The following CLCN1 variants were observed in gnomAD, a reference collection of about 807,000 sequenced individuals.
The protein encoded by CLCN1 is chloride channel protein 1.
CLCN1 carries 100 observed loss-of-function variants against 114.5 expected under a neutral mutation model. The ratio of observed to expected loss-of-function variants is 0.87; its 90% CI spans 0.74 to 1.03. CLCN1 has a LOEUF of 1.03. Ranked by LOEUF, CLCN1 falls within the 50% of genes least tolerant of loss-of-function variation. The pLI is 0.00. For missense variants in CLCN1, 1,188 were observed against 1,250.0 expected (o/e 0.95, Z 0.75); for synonymous variants, 485 against 487.1 (o/e 1.00, Z 0.06).
intron 12 of CLCN1, among the ~76,000 whole-genome samples, chr7:143,338,810 A>AAG (rs1158419059): frequency 8.9e-5 from 11 of 123,634 alleles, no homozygotes; most frequent in Admixed American, 7.4e-5. Context: ...AAAAAAAAAG[A>AAG]AAAAAAAAAA....
intron 17 of CLCN1, 25 bp from the exon 18 acceptor site, chr7:143,346,115 T>G: frequency 1.5e-5 from 22 of 1,443,586 alleles, no homozygotes; most frequent in Non-Finnish European, 2.0e-5. Flanking sequence ...GCTCCCAGGC[T>G]GAGACTTCTT....
intron 19 of CLCN1, 76 bp downstream of exon 19, chr7:143,346,734 A>C: frequency 7.4e-7 from 1 of 1,354,976 alleles, no homozygotes; most frequent in Non-Finnish European, 1.1e-6. Flanking sequence ...CGGTTCTTAA[A>C]TCAGGAAGGC....
Position 143,350,818 on chromosome 7 carries a change from C to T in CLCN1, c.2595+164C>T, listed in dbSNP as rs1803377013. On this transcript the variant is annotated intron_variant, in intron 22 of 22. Transcript: ENST00000343257. This position sits in a 1 kb window ranked among gnomAD's most constrained non-coding sequence, Gnocchi z 5.1. ...TTGAGACAGAGTTTCACTCTTGTCG[C>T]CCAGGCTGGAGTGCAGTGGCGTGAT... Among the ~76,000 whole-genome samples the T allele has an allele frequency of 6.6e-6, 1 of 151,516 alleles. No homozygotes were observed. Among genetic ancestry groups the T allele is most frequent in the African/African-American group, 2.4e-5 (1 of 41,182 alleles).
Position 143,342,050 on chromosome 7 carries a change from G to A in CLCN1, c.1704G>A (p.Met568Ile), listed in dbSNP as rs753006971. 6.2e-7 allele frequency: 1 copy of A among 1,614,136 alleles called. No homozygotes were observed. Among genetic ancestry groups the A allele is most frequent in the Admixed American group, 1.7e-5 (1 of 60,020 alleles). ...PMMVAVILAN[M>I]VAQSLQPSLY... ...TGGTGGCTGTTATCTTGGCCAACAT[G>A]GTGGCCCAGAGCCTGCAGCCCTCTC... The change falls in exon 15 of 23, where the codon ATG becomes ATA. Residue 568 changes from methionine to isoleucine, a missense_variant. Transcript: ENST00000343257.
At chr7:143,338,706 G>A (rs1166919748) in intron 12 of CLCN1, among the ~76,000 whole-genome samples, 1 of 151,670 alleles carries the variant, frequency 6.6e-6, no homozygotes, top group Non-Finnish European at 1.5e-5. Context: ...AAAATAGCTT[G>A]GACTTCAGAG....
At chr7:143,323,740 A>G (rs1391337959) in intron 6 of CLCN1, 3 of 494,240 alleles carry the variant, frequency 6.1e-6, no homozygotes, top group Admixed American at 2.3e-5. Flanking sequence ...GTAGCTCCCA[A>G]TCCCTCACCC....
chr7:143,318,300 G>C (rs555921753), intron 1 of CLCN1, among the ~76,000 whole-genome samples: 1 of 152,028 alleles, frequency 6.6e-6, no homozygotes, highest in Non-Finnish European at 1.5e-5. Context: ...TCAGCTCACC[G>C]CAATCTCCGC....
intron 6 of CLCN1, 121 bp downstream of exon 6, chr7:143,323,507 A>G (rs1163474087): frequency 2.6e-6 from 2 of 774,160 alleles, no homozygotes; most frequent in African/African-American, 3.4e-5. Flanking sequence ...GCAGCATCGC[A>G]CTAATCCACG....
rs547423473 is a variant in CLCN1 at position 143,324,766 on chromosome 7, A to G, written c.853+274A>G. Among the ~76,000 whole-genome samples, 33 of 152,336 alleles carry G rather than the reference A, an allele frequency of 2.2e-4. No individual in the cohort carries two copies. In the South Asian group the frequency reaches 6.4e-3, roughly 30 times the overall value. On this transcript the variant is annotated intron_variant, in intron 7 of 22. Transcript: ENST00000343257. The surrounding 1 kb of genome is among the most constrained non-coding windows in gnomAD (Gnocchi z 4.6). ...AGCAAGTTCATTCTGTTAGTAAGGTACAAGCCAGGAATTAAAACCAAGGCA... is the reference window on the plus strand; with the variant it reads ...AGCAAGTTCATTCTGTTAGTAAGGTGCAAGCCAGGAATTAAAACCAAGGCA...
chr7:143,321,514 T>C lies in CLCN1; in HGVS notation c.562+21T>C. ...TGTTGGTGAGAACTTGCCACCAGAC[T>C]CGGCCTGAGCTGGGTGGCCTGAGAG... is the stretch of plus-strand genomic sequence containing the variant. On this transcript the variant is annotated intron_variant, in intron 4 of 22. Coordinates refer to ENST00000343257, the MANE Select transcript of CLCN1 (RefSeq NM_000083.3). This position sits in a 1 kb window ranked among gnomAD's most constrained non-coding sequence, Gnocchi z 4.2. 6.2e-7 allele frequency: 1 copy of C among 1,613,934 alleles called. No homozygotes were observed.
chr7:143,332,553 C>A, intron 11 of CLCN1, 50 bp downstream of exon 11: 1 of 1,539,800 alleles, frequency 6.5e-7, no homozygotes, highest in Non-Finnish European at 9.0e-7. Context: ...CACAGATATA[C>A]CTCAGGCTTC....
chr7:143,345,443 T>TC, intron 16 of CLCN1, 78 bp from the exon 17 acceptor site: 1 of 1,448,842 alleles, frequency 6.9e-7, no homozygotes, highest in Non-Finnish European at 9.1e-7. Context: ...CCTCTCCTGT[T>TC]CCTTCTCAGG....
At chr7:143,346,810 G>A (rs897144310) in intron 19 of CLCN1, 101 bp from the exon 20 acceptor site, 10 of 1,255,516 alleles carry the variant, frequency 8.0e-6, no homozygotes, top group African/African-American at 3.0e-5. Context: ...AGGAGGCATC[G>A]GTGGTCCTGG....
At chr7:143,345,869 A>G in intron 17 of CLCN1, 107 bp downstream of exon 17, 1 of 1,468,520 alleles carries the variant, frequency 6.8e-7, no homozygotes, top group African/African-American at 1.4e-5. Context: ...TTTCCCTGAA[A>G]GTAGTGGGAA....
intron 17 of CLCN1, 73 bp downstream of exon 17, chr7:143,345,835 T>TG: frequency 7.5e-7 from 1 of 1,329,730 alleles, no homozygotes; most frequent in Non-Finnish European, 1.1e-6. Context: ...TGGGCTGGGC[T>TG]GGGCTGGGCT....
chr7:143,330,833 A>G lies in CLCN1; in HGVS notation c.915A>G (p.Gly305=). Residue 305 remains glycine (G), a synonymous_variant, in exon 8 of 23, where the codon GGA becomes GGG. Transcript: ENST00000343257. ...TTGCTGTTCGGAACTACTGGAGAGG[A>G]TTCTTTGCAGCCACGTTCAGCGCCT... ...TYFAVRNYWR[G]FFAATFSAFV... 6.2e-7 allele frequency: 1 copy of G among 1,614,174 alleles called. No individual in the cohort carries two copies. The highest frequency in any genetic ancestry group is 8.5e-7 in the Non-Finnish European group (1 of 1,180,032).
intron 1 of CLCN1, among the ~76,000 whole-genome samples, chr7:143,318,251 T>C (rs1802339043): frequency 6.6e-6 from 1 of 152,164 alleles, no homozygotes; most frequent in Admixed American, 6.5e-5. Context: ...AGATGGAGTT[T>C]CGCTCTTGTT....
intron 8 of CLCN1, 108 bp downstream of exon 8, chr7:143,331,005 C>A: frequency 6.5e-7 from 1 of 1,530,054 alleles, no homozygotes; most frequent in South Asian, 1.1e-5. Context: ...TGGGCGGCAT[C>A]ATTTGTGGGG....
rs115379077 is a variant in CLCN1, at chr7:143,316,238, G to C, written c.26G>C (p.Arg9Pro). The change falls in exon 1 of 23, where the codon CGT becomes CCT. Residue 9 changes from arginine (R) to proline (P), a missense_variant. Physicochemically the swap from Arg to Pro is moderately radical, Grantham distance 103. Coordinates refer to ENST00000343257, the MANE Select transcript of CLCN1 (RefSeq NM_000083.3). ...ATGGAGCAATCCCGGTCACAGCAGC[G>C]TGGGGGTGAACAAAGCTGGTGGGGT... The part of the protein sequence containing the change: MEQSRSQQ[R>P]GGEQSWWGSD... 7 of 1,613,656 alleles carry C rather than the reference G, an allele frequency of 4.3e-6. No individual in the cohort carries two copies. Among genetic ancestry groups the C allele is most frequent in the Non-Finnish European group, 5.9e-6 (7 of 1,179,766 alleles).
Sources: allele counts gnomAD v4.1 joint callset (sites outside exome capture counted in the v4.1 genomes callset), GRCh38; gene constraint gnomAD v4.1.1; non-coding constraint Gnocchi (gnomAD v3.1); transcripts MANE v1.5; gene names NCBI Gene and HGNC (gene_info 2026-07-23, HGNC 2026-07-21).